The following ENOX1 variants were observed in gnomAD, a reference collection of about 807,000 sequenced individuals.
ENOX1 encodes the protein ecto-NOX disulfide-thiol exchanger 1.
ENOX1 carries 42 observed loss-of-function variants against 82.5 expected under a neutral mutation model. The observed-to-expected ratio is 0.51, with a 90% CI of 0.40 to 0.66. ENOX1 has a LOEUF of 0.66. Ranked by LOEUF, ENOX1 falls within the 30% of genes least tolerant of loss-of-function variation. ENOX1 has a pLI of 0.00. For synonymous variants in ENOX1, 271 were observed against 282.2 expected (o/e 0.96, Z 0.40); for missense variants, 608 against 811.6 (o/e 0.75, Z 3.05).
At chr13:43,288,347 A>G (rs2045819511) in intron 12 of ENOX1, among the ~76,000 whole-genome samples, 2 of 152,212 alleles carry the variant, frequency 1.3e-5, no homozygotes, top group South Asian at 4.1e-4. Flanking sequence ...CCACAGCCAT[A>G]TTCTATTCTA....
chr13:43,693,022 G>C, intron 1 of ENOX1, among the ~76,000 whole-genome samples: 1 of 152,056 alleles, frequency 6.6e-6, no homozygotes, highest in Middle Eastern at 3.4e-3. Context: ...CTACACCTAT[G>C]TTATAAATTT....
chr13:43,668,769 C>T (rs538637421), intron 1 of ENOX1, among the ~76,000 whole-genome samples: 2 of 152,102 alleles, frequency 1.3e-5, no homozygotes, highest in East Asian at 3.9e-4. Flanking sequence ...AGTACCTGAC[C>T]CAGGTGGGAA....
At position 43,520,372 on chromosome 13, in the gene ENOX1, T is replaced by G. The variant is rs530823079; in HGVS notation, c.-218-36220A>C. On this transcript the variant is annotated intron_variant, in intron 2 of 16. Coordinates refer to ENST00000690772, the MANE Select transcript of ENOX1 (RefSeq NM_001347969.2). The stretch of plus-strand genomic sequence containing the variant: ...CAATCTGCACACACACACGGTATCT[T>G]GATGTTTTAATTATCTTACTAATAA... 4.6e-5 allele frequency among the ~76,000 whole-genome samples: 7 copies of G among 152,156 alleles called. No individual in the cohort carries two copies. In the South Asian group the frequency reaches 1.5e-3, roughly 32 times the overall value.
intron 3 of ENOX1, among the ~76,000 whole-genome samples, chr13:43,445,832 C>A (rs1422756237): frequency 6.6e-6 from 1 of 152,180 alleles, no homozygotes; most frequent in African/African-American, 2.4e-5. Flanking sequence ...AGAAGAGATT[C>A]TGGGTGTGAC....
chr13:43,286,329 C>T (rs530073290), intron 12 of ENOX1, among the ~76,000 whole-genome samples: 2 of 152,278 alleles, frequency 1.3e-5, no homozygotes, highest in East Asian at 1.9e-4. Context: ...ATCTCGTACT[C>T]ATCATGTGAT....
intron 1 of ENOX1, among the ~76,000 whole-genome samples, chr13:43,757,639 G>A (rs779931608): frequency 1.3e-5 from 2 of 152,126 alleles, no homozygotes; most frequent in Non-Finnish European, 2.9e-5. Flanking sequence ...CTATCAGAGT[G>A]GCTAAAATAA....
At chr13:43,615,569 T>A (rs2082371471) in intron 2 of ENOX1, among the ~76,000 whole-genome samples, 1 of 152,164 alleles carries the variant, frequency 6.6e-6, no homozygotes. Flanking sequence ...ATCTAATTAA[T>A]CATGAAAACT....
At chr13:43,460,177 G>T (rs2057404814) in intron 3 of ENOX1, among the ~76,000 whole-genome samples, 8 of 152,128 alleles carry the variant, frequency 5.3e-5, no homozygotes, top group Admixed American at 5.2e-4. Context: ...AAAAGTGAGT[G>T]AATATTTTGA....
intron 2 of ENOX1, among the ~76,000 whole-genome samples, chr13:43,581,903 C>T (rs1457529954): frequency 6.6e-6 from 1 of 152,154 alleles, no homozygotes; most frequent in Admixed American, 6.6e-5. Context: ...AGGAACTATA[C>T]AGAGTATCCA....
intron 2 of ENOX1, among the ~76,000 whole-genome samples, chr13:43,643,488 C>T (rs2083750228): frequency 6.6e-6 from 1 of 152,038 alleles, no homozygotes; most frequent in African/African-American, 2.4e-5. Flanking sequence ...GGAATAGCTA[C>T]TATTTTAAAA....
At chr13:43,283,467 G>T (rs2045516444) in intron 12 of ENOX1, among the ~76,000 whole-genome samples, 1 of 152,010 alleles carries the variant, frequency 6.6e-6, no homozygotes, top group Non-Finnish European at 1.5e-5. Context: ...ATTTGAGACA[G>T]GATCTCACTC....
chr13:43,447,207 G>C (rs1449783859), intron 3 of ENOX1, among the ~76,000 whole-genome samples: 3 of 152,184 alleles, frequency 2.0e-5, no homozygotes, highest in Admixed American at 1.3e-4. Context: ...TGGATAAACT[G>C]TCTGATTCGT....
chr13:43,548,291 A>G (rs1299449181), intron 2 of ENOX1, among the ~76,000 whole-genome samples: 1 of 152,168 alleles, frequency 6.6e-6, no homozygotes, highest in Non-Finnish European at 1.5e-5. Flanking sequence ...CTCCAAAGAA[A>G]CCTTTCTTAG....
intron 1 of ENOX1, among the ~76,000 whole-genome samples, chr13:43,685,850 T>C (rs934885087): frequency 1.3e-5 from 2 of 149,414 alleles, no homozygotes; most frequent in East Asian, 3.9e-4. Context: ...GACTTGTCAC[T>C]GCCTTTAGAA....
At chr13:43,454,585 C>T (rs557777976) in intron 3 of ENOX1, among the ~76,000 whole-genome samples, 6 of 152,278 alleles carry the variant, frequency 3.9e-5, no homozygotes, top group Non-Finnish European at 7.4e-5. Flanking sequence ...TACTATCACA[C>T]GCTCCCAAGT....
intron 2 of ENOX1, among the ~76,000 whole-genome samples, chr13:43,614,017 T>C (rs1468526108): frequency 6.6e-6 from 1 of 152,204 alleles, no homozygotes; most frequent in Admixed American, 6.5e-5. Context: ...AAGTGTCAGC[T>C]GTCCTAGGAA....
At chr13:43,666,947 TAAG>T in intron 2 of ENOX1, among the ~76,000 whole-genome samples, 1 of 152,240 alleles carries the variant, frequency 6.6e-6, no homozygotes, top group East Asian at 1.9e-4. Flanking sequence ...TTTAATCCTC[TAAG>T]AAGGTGATTA....
intron 15 of ENOX1, among the ~76,000 whole-genome samples, chr13:43,227,035 C>T (rs1456521012): frequency 6.6e-6 from 1 of 151,898 alleles, no homozygotes; most frequent in African/African-American, 2.4e-5. Flanking sequence ...ACATCTCCTG[C>T]ATAACCTACA....
At chr13:43,631,280 C>T (rs1322155730) in intron 2 of ENOX1, among the ~76,000 whole-genome samples, 1 of 152,176 alleles carries the variant, frequency 6.6e-6, no homozygotes, top group Non-Finnish European at 1.5e-5. Context: ...TAGGCTCCCT[C>T]CCACAGCAGG....
Sources: allele counts gnomAD v4.1 joint callset (sites outside exome capture counted in the v4.1 genomes callset), GRCh38; gene constraint gnomAD v4.1.1; transcripts MANE v1.5; gene names NCBI Gene and HGNC (gene_info 2026-07-23, HGNC 2026-07-21).